The following UBXN2B variants were observed in gnomAD, a reference collection of about 807,000 sequenced individuals.
UBXN2B encodes the protein UBX domain protein 2B.
Under a neutral mutation model 37.5 loss-of-function variants are expected in UBXN2B, and 19 were observed. The observed-to-expected ratio is 0.51, with a 90% CI of 0.35 to 0.74. The LOEUF is 0.74. Ranked by LOEUF, UBXN2B falls within the 30% of genes least tolerant of loss-of-function variation. The probability of loss-of-function intolerance (pLI) is 0.01; values close to 1 mark genes in which losing one functional copy is unlikely to be tolerated. For missense variants in UBXN2B, 370 were observed against 393.2 expected, an observed-to-expected ratio of 0.94 and a Z score of 0.50; for synonymous variants, 145 against 143.8, an observed-to-expected ratio of 1.01 and a Z score of -0.06.
At chr8:58,414,152 G>C (rs571402181) in intron 1 of UBXN2B, among the ~76,000 whole-genome samples, 1 of 152,200 alleles carries the variant, frequency 6.6e-6, no homozygotes, top group Admixed American at 6.5e-5. Flanking sequence ...TCTGATAACT[G>C]TGTTGCCACA....
intron 2 of UBXN2B, chr8:58,425,014 C>A: frequency 1.3e-6 from 1 of 783,558 alleles, no homozygotes; most frequent in South Asian, 1.3e-5. Context: ...CACGACTGGC[C>A]TTGCATGCAT....
intron 7 of UBXN2B, 63 bp from the exon 8 acceptor site, chr8:58,447,326 T>G: frequency 6.9e-7 from 1 of 1,443,484 alleles, no homozygotes; most frequent in Non-Finnish European, 9.3e-7. Flanking sequence ...TATGATTCAG[T>G]TTTAAGTTTA....
chr8:58,435,456 A>T (rs1362516767), intron 5 of UBXN2B, among the ~76,000 whole-genome samples: 1 of 152,166 alleles, frequency 6.6e-6, no homozygotes, highest in Non-Finnish European at 1.5e-5. Flanking sequence ...AAGCTGTCCT[A>T]GGAGGCAGTA....
chr8:58,417,035 C>T (rs1807803196), intron 2 of UBXN2B, 82 bp downstream of exon 2: 2 of 1,114,592 alleles, frequency 1.8e-6, no homozygotes, highest in African/African-American at 1.6e-5. Flanking sequence ...TTTAAATGGC[C>T]TTCTTCAAGG....
At position 58,433,242 on chromosome 8, in the gene UBXN2B, A is replaced by G. The variant is rs776115510; in HGVS notation, c.422A>G (p.Asp141Gly). 1 of 1,605,378 alleles carries G rather than the reference A, an allele frequency of 6.2e-7. No individual in the cohort carries two copies. The highest frequency in any genetic ancestry group is 8.5e-7 in the Non-Finnish European group (1 of 1,174,798). Reference sequence around the variant, plus strand: ...ATCTATGGAGAAAATCAGCTGCAAGATGTAGGTACAATAATCAAAATGAAA... The same window carrying G: ...ATCTATGGAGAAAATCAGCTGCAAGGTGTAGGTACAATAATCAAAATGAAA... ...EYIYGENQLQ[D>G]VQILLKLWSN... Residue 141 changes from aspartate (D) to glycine (G), a missense_variant and splice_region_variant, in exon 4 of 8, where the codon GAT becomes GGT. Physicochemically the swap from Asp to Gly is moderately conservative, Grantham distance 94. This residue lies in a region of UBXN2B where 197 missense variants were observed against 170.2 expected (regional missense o/e 1.16). Transcript: ENST00000399598.
intron 2 of UBXN2B, among the ~76,000 whole-genome samples, chr8:58,423,357 C>T (rs921557060): frequency 2.6e-5 from 4 of 152,106 alleles, no homozygotes; most frequent in African/African-American, 9.7e-5. Context: ...TATGAGTGGC[C>T]ACCTGCAGGC....
chr8:58,439,336 G>A (rs1294930281), intron 5 of UBXN2B, among the ~76,000 whole-genome samples: 2 of 152,104 alleles, frequency 1.3e-5, no homozygotes, highest in East Asian at 3.8e-4. Flanking sequence ...GAATTTTCTA[G>A]TGCTGATTTA....
intron 2 of UBXN2B, among the ~76,000 whole-genome samples, chr8:58,418,488 G>A (rs1807843041): frequency 6.6e-6 from 1 of 152,016 alleles, no homozygotes; most frequent in Admixed American, 6.5e-5. Flanking sequence ...AGAGAGTCTA[G>A]GCCAGATGTC....
At chr8:58,432,375 CTTTTTTTTTTTTTTTTT>C (rs34018318) in intron 3 of UBXN2B, among the ~76,000 whole-genome samples, 1 of 81,520 alleles carries the variant, frequency 1.2e-5, no homozygotes, top group Non-Finnish European at 2.1e-5. Context: ...TTCTAAATTT[CTTTTTTTTTTTTTTTTT>C]TTTTTTTTGA....
intron 2 of UBXN2B, among the ~76,000 whole-genome samples, chr8:58,428,495 C>T (rs1808162705): frequency 1.3e-5 from 2 of 152,166 alleles, no homozygotes; most frequent in African/African-American, 4.8e-5. Context: ...TGTTTTCCTC[C>T]TGTGTTCCTC....
rs1807633803 is a variant in UBXN2B at position 58,411,449 on chromosome 8, C to T, written c.64C>T (p.Pro22Ser). 1 of 1,257,116 alleles carries T rather than the reference C, an allele frequency of 8.0e-7. No homozygotes were observed. Among genetic ancestry groups the T allele is most frequent in the Non-Finnish European group, 1.0e-6 (1 of 995,518 alleles). 77.9% of individuals were successfully genotyped at this position (1,257,116 alleles called of 1,614,324 possible). Residue 22 changes from proline to serine, a missense_variant, in exon 1 of 8, where the codon CCG becomes TCG. Coordinates refer to ENST00000399598, the MANE Select transcript of UBXN2B (RefSeq NM_001077619.2). The part of the protein sequence containing the change: ...QERRSSGPRP[P>S]SARDLQLALA... ...GAGGAGGTCTTCCGGGCCGCGGCCT[C>T]CGAGCGCGCGGGATTTGCAGGTGAG...
chr8:58,416,076 A>C (rs1458130787), intron 1 of UBXN2B, among the ~76,000 whole-genome samples: 2 of 151,774 alleles, frequency 1.3e-5, no homozygotes, highest in African/African-American at 4.8e-5. Context: ...ACAAAAAAAA[A>C]AACCGGAGAT....
At chr8:58,429,290 T>G (rs1808187295) in intron 2 of UBXN2B, among the ~76,000 whole-genome samples, 1 of 152,112 alleles carries the variant, frequency 6.6e-6, no homozygotes, top group African/African-American at 2.4e-5. Context: ...GCTTTGCTTT[T>G]CTGTGTTTGT....
intron 2 of UBXN2B, among the ~76,000 whole-genome samples, chr8:58,418,749 T>C (rs1161119215): frequency 1.3e-5 from 2 of 152,230 alleles, no homozygotes; most frequent in African/African-American, 4.8e-5. Flanking sequence ...TAGTTGAACA[T>C]CCTATTCTTT....
chr8:58,426,142 A>G, intron 2 of UBXN2B: 1 of 1,104,652 alleles, frequency 9.1e-7, no homozygotes, highest in Non-Finnish European at 1.4e-6. Context: ...GGACCAACTC[A>G]GCCAAAGTGG....
chr8:58,411,415 C>T lies in UBXN2B; in HGVS notation c.30C>T (p.Gly10=), dbSNP rs542303140. 101 of 1,269,676 alleles carry T rather than the reference C, an allele frequency of 8.0e-5. No homozygotes were observed. In the South Asian group the frequency reaches 2.6e-3, roughly 32 times the overall value. The allele number at this position is 1,269,676 out of a possible 1,614,324, so 78.7% of individuals were successfully genotyped here. The part of the protein sequence containing the change: MAEGGGPEP[G]EQERRSSGPR... The stretch of plus-strand genomic sequence containing the variant: ...CGGAGGGCGGAGGCCCTGAGCCCGG[C>T]GAGCAGGAGAGGAGGTCTTCCGGGC... Residue 10 remains glycine, a synonymous_variant, in exon 1 of 8, where the codon GGC becomes GGT. Coordinates refer to ENST00000399598, the MANE Select transcript of UBXN2B (RefSeq NM_001077619.2).
intron 2 of UBXN2B, chr8:58,425,703 T>G (rs1808065175): frequency 2.6e-6 from 3 of 1,166,194 alleles, no homozygotes; most frequent in African/African-American, 3.0e-5. Context: ...TCAGCAACAT[T>G]TATACGAGTC....
chr8:58,421,011 T>C (rs1313727880), intron 2 of UBXN2B, among the ~76,000 whole-genome samples: 1 of 152,264 alleles, frequency 6.6e-6, no homozygotes, highest in Non-Finnish European at 1.5e-5. Context: ...TTTGTAGTTA[T>C]GTCTACAGTC....
chr8:58,411,447 C>A lies in UBXN2B; in HGVS notation c.62C>A (p.Pro21His). The A allele has an allele frequency of 8.0e-7, 1 of 1,257,662 alleles. No homozygotes were observed. The highest frequency in any genetic ancestry group is 1.0e-6 in the Non-Finnish European group (1 of 995,720). The allele number at this position is 1,257,662 out of a possible 1,614,324, so 77.9% of individuals were successfully genotyped here. A position where few individuals can be genotyped will look rare whatever the true frequency, so the allele number is the denominator to read the frequency against. The change falls in exon 1 of 8, where the codon CCT becomes CAT. Residue 21 changes from proline (P) to histidine (H), a missense_variant. By Grantham distance (77) the Pro-to-His change is moderately conservative. Transcript: ENST00000399598. The stretch of plus-strand genomic sequence containing the variant: ...GAGAGGAGGTCTTCCGGGCCGCGGC[C>A]TCCGAGCGCGCGGGATTTGCAGGTG... Reference protein sequence around the residue: ...EQERRSSGPRPPSARDLQLAL... With the variant: ...EQERRSSGPRHPSARDLQLAL...
Sources: allele counts gnomAD v4.1 joint callset (sites outside exome capture counted in the v4.1 genomes callset), GRCh38; gene constraint gnomAD v4.1.1; regional missense constraint gnomAD v4.1.1; transcripts MANE v1.5; gene names NCBI Gene and HGNC (gene_info 2026-07-23, HGNC 2026-07-21).